The following PRSS23 variants were observed in gnomAD, a reference collection of about 807,000 sequenced individuals.
PRSS23 encodes protease, serine 23.
PRSS23 carries 25 observed loss-of-function variants against 34.7 expected under a neutral mutation model. That is an observed-to-expected ratio of 0.72 (90% CI 0.53 to 1.01). PRSS23 has a LOEUF of 1.01. PRSS23 is among the 50% of genes least tolerant of loss of function. The probability of loss-of-function intolerance (pLI) is 0.00; values close to 1 mark genes in which losing one functional copy is unlikely to be tolerated. For synonymous variants in PRSS23, 176 were observed against 186.6 expected, an observed-to-expected ratio of 0.94 and a Z score of 0.46; for missense variants, 445 against 475.6, an observed-to-expected ratio of 0.94 and a Z score of 0.60.
intron 2 of PRSS23, among the ~76,000 whole-genome samples, chr11:86,870,571 T>G (rs986794656): frequency 4.6e-5 from 7 of 152,236 alleles, no homozygotes; most frequent in Non-Finnish European, 4.4e-5. Context: ...ATTTTTGACC[T>G]TTATATTTTC....
At chr11:86,876,858 T>C (rs1408141929) in intron 2 of PRSS23, among the ~76,000 whole-genome samples, 2 of 152,236 alleles carry the variant, frequency 1.3e-5, no homozygotes, top group African/African-American at 2.4e-5. Flanking sequence ...GGCCCCTAAA[T>C]AGGACAGGCT....
intron 2 of PRSS23, among the ~76,000 whole-genome samples, chr11:86,844,729 T>A (rs187832013): frequency 6.6e-6 from 1 of 152,126 alleles, no homozygotes; most frequent in Non-Finnish European, 1.5e-5. Context: ...AACAAACAAG[T>A]GTTGTTTTAT....
intron 2 of PRSS23, among the ~76,000 whole-genome samples, chr11:86,860,332 A>G (rs1342162683): frequency 6.6e-6 from 1 of 151,900 alleles, no homozygotes; most frequent in Non-Finnish European, 1.5e-5. Flanking sequence ...AGGTAGGGAG[A>G]GGGTGATATT....
intron 2 of PRSS23, among the ~76,000 whole-genome samples, chr11:86,841,570 C>A (rs1207912080): frequency 6.6e-6 from 1 of 152,066 alleles, no homozygotes; most frequent in Non-Finnish European, 1.5e-5. Context: ...AAGAAATAAT[C>A]AAATAGACAC....
At chr11:86,894,691 G>T (rs545563246) in intron 2 of PRSS23, among the ~76,000 whole-genome samples, 1 of 152,152 alleles carries the variant, frequency 6.6e-6, no homozygotes, top group African/African-American at 2.4e-5. Context: ...TTTACCGGTC[G>T]TTGTCTTTAT....
At chr11:86,886,349 C>A (rs923056514) in intron 2 of PRSS23, among the ~76,000 whole-genome samples, 1 of 152,126 alleles carries the variant, frequency 6.6e-6, no homozygotes, top group African/African-American at 2.4e-5. Context: ...CATGATGGAT[C>A]ATTTGTAGGA....
intron 2 of PRSS23, among the ~76,000 whole-genome samples, chr11:86,875,765 A>G (rs1948719528): frequency 6.6e-6 from 1 of 152,254 alleles, no homozygotes; most frequent in Admixed American, 6.5e-5. Flanking sequence ...CTGCAGATAG[A>G]GGTTACAACA....
At chr11:86,903,659 A>ATT (rs1948925226) in intron 2 of PRSS23, among the ~76,000 whole-genome samples, 1 of 151,344 alleles carries the variant, frequency 6.6e-6, no homozygotes, top group Non-Finnish European at 1.5e-5. Flanking sequence ...ATTTTTTTGT[A>ATT]TTTTTAGTAG....
At chr11:86,860,378 TG>T (rs1433242839) in intron 2 of PRSS23, among the ~76,000 whole-genome samples, 3 of 151,888 alleles carry the variant, frequency 2.0e-5, no homozygotes, top group Non-Finnish European at 4.4e-5. Flanking sequence ...ACTGCCCTTG[TG>T]GTGTGGTTTT....
In PRSS23 at chr11:86,836,488, G is replaced by A. The variant is rs150802339; in HGVS notation, c.206+12895G>A. On this transcript the variant is annotated intron_variant, in intron 2 of 2. Transcript: ENST00000533902. ...AACAAATGGGTGTTCCTTTTCCTAT[G>A]TTCAGGTGTGTAATAGCCCCTGCTT... Among the ~76,000 whole-genome samples, 10 of 152,296 alleles carry A rather than the reference G, an allele frequency of 6.6e-5. No homozygotes were observed. In the East Asian group the frequency reaches 1.5e-3, roughly 24 times the overall value.
chr11:86,831,333 C>T (rs1420016388), intron 2 of PRSS23, among the ~76,000 whole-genome samples: 3 of 147,804 alleles, frequency 2.0e-5, no homozygotes, highest in Non-Finnish European at 4.5e-5. Context: ...TTGTATTATT[C>T]GTAATATCCT....
intron 2 of PRSS23, among the ~76,000 whole-genome samples, chr11:86,848,854 G>A (rs1031174112): frequency 5.3e-5 from 8 of 152,160 alleles, no homozygotes; most frequent in African/African-American, 1.9e-4. Flanking sequence ...TGGCTCAGAG[G>A]GAACCAAAAG....
chr11:86,949,369 T>C (rs1246348126), intron 2 of PRSS23: 1 of 151,868 alleles, frequency 6.6e-6, no homozygotes, highest in Non-Finnish European at 1.5e-5. Context: ...TTTTGGAATT[T>C]TGAGTCCCTG....
intron 2 of PRSS23, among the ~76,000 whole-genome samples, chr11:86,863,450 A>G (rs1382955990): frequency 1.3e-5 from 2 of 152,162 alleles, no homozygotes; most frequent in Admixed American, 6.5e-5. Context: ...TAAGTGCCCA[A>G]TAGTAGGTTC....
At chr11:86,939,426 A>ATATATATATATTTTTAT in intron 2 of PRSS23, among the ~76,000 whole-genome samples, 2 of 94,076 alleles carry the variant, frequency 2.1e-5, no homozygotes, top group East Asian at 5.9e-4. Flanking sequence ...ATATATATAT[A>ATATATATATATTTTTAT]TTTTTTAACA....
chr11:86,883,440 T>C (rs1273468844), intron 2 of PRSS23, among the ~76,000 whole-genome samples: 1 of 152,180 alleles, frequency 6.6e-6, no homozygotes, highest in Non-Finnish European at 1.5e-5. Flanking sequence ...TGGATAGCCA[T>C]ATGCAGAAAA....
intron 2 of PRSS23, among the ~76,000 whole-genome samples, chr11:86,920,937 C>T (rs949054826): frequency 2.6e-5 from 4 of 152,272 alleles, no homozygotes; most frequent in South Asian, 2.1e-4. Context: ...TCCCTCTCAG[C>T]GCCATTTGCT....
At chr11:86,852,379 A>G (rs991148017) in intron 2 of PRSS23, among the ~76,000 whole-genome samples, 22 of 152,144 alleles carry the variant, frequency 1.4e-4, no homozygotes, top group African/African-American at 5.3e-4. Flanking sequence ...CCCAACTTCT[A>G]AGGATTTCCT....
chr11:86,833,637 G>T (rs181771380), intron 2 of PRSS23, among the ~76,000 whole-genome samples: 2 of 152,190 alleles, frequency 1.3e-5, no homozygotes, highest in East Asian at 3.9e-4. Context: ...ATAGATGATT[G>T]GCTATTTCTT....
Sources: gnomAD v4.1 joint callset for allele counts (sites outside exome capture counted in the v4.1 genomes callset) on GRCh38, gnomAD v4.1.1 for gene constraint, MANE v1.5 for transcripts, NCBI Gene and HGNC (gene_info 2026-07-23, HGNC 2026-07-21) for gene names.